DOCK8: variants seen among roughly 807,000 people sequenced by gnomAD.
DOCK8 encodes dedicator of cytokinesis 8, also known as dedicator of cytokinesis protein 8.
Under a neutral mutation model 245.6 loss-of-function variants are expected in DOCK8, and 141 were observed. That is an observed-to-expected ratio of 0.57 (90% CI 0.50 to 0.66). The LOEUF (loss-of-function observed/expected upper bound fraction) is 0.66. DOCK8 is among the 30% of genes least tolerant of loss of function. The pLI, the probability that DOCK8 is intolerant of heterozygous loss-of-function variation, is 0.00. For synonymous variants in DOCK8, 1,168 were observed against 970.2 expected (o/e 1.20, Z -3.79); for missense variants, 2,965 against 2,603.4 (o/e 1.14, Z -3.02).
chr9:232,803 C>T (rs2047148269), intron 1 of DOCK8, among the ~76,000 whole-genome samples: 1 of 152,098 alleles, frequency 6.6e-6, no homozygotes, highest in Admixed American at 6.6e-5. Flanking sequence ...CTTTGTTAGT[C>T]TTGCTAGCGG....
At chr9:450,201 G>A (rs779668144) in intron 45 of DOCK8, among the ~76,000 whole-genome samples, 1 of 152,112 alleles carries the variant, frequency 6.6e-6, no homozygotes, top group Non-Finnish European at 1.5e-5. Flanking sequence ...TCCACTTCGG[G>A]GCCAGACCTG....
Position 464,485 on chromosome 9 carries a change from G to A in DOCK8, c.*266G>A, listed in dbSNP as rs771679609. On this transcript the variant is annotated 3_prime_UTR_variant, in exon 48 of 48. Transcript: ENST00000432829. ...TTATTAAAGTGTGTTTTTCCACAAT[G>A]TACCAAACAAGGCATAAGCAGCTTC... is the stretch of plus-strand genomic sequence containing the variant. The A allele has an allele frequency of 2.3e-4, 127 of 547,646 alleles. No homozygotes were observed. Among genetic ancestry groups the A allele is most frequent in the Middle Eastern group, 1.5e-3 (3 of 2,024 alleles). 33.9% of individuals were successfully genotyped at this position (547,646 alleles called of 1,614,324 possible).
chr9:455,620 C>G (rs982004468), intron 46 of DOCK8, among the ~76,000 whole-genome samples: 7 of 152,112 alleles, frequency 4.6e-5, no homozygotes. Context: ...TACACTGGAC[C>G]AAACTTTGAG....
At chr9:310,752 A>G (rs1280893612) in intron 5 of DOCK8, among the ~76,000 whole-genome samples, 1 of 152,168 alleles carries the variant, frequency 6.6e-6, no homozygotes, top group Non-Finnish European at 1.5e-5. Context: ...TGAGCCCAAT[A>G]TTTTAAAAAT....
chr9:418,004 T>C, intron 29 of DOCK8, 64 bp from the exon 30 acceptor site: 2 of 1,609,098 alleles, frequency 1.2e-6, no homozygotes, highest in Non-Finnish European at 1.7e-6. Context: ...AGTCTCTTAT[T>C]GGGTAGGGGA....
chr9:421,222 G>T, intron 32 of DOCK8, 144 bp downstream of exon 32: 1 of 1,154,126 alleles, frequency 8.7e-7, no homozygotes, highest in Non-Finnish European at 1.3e-6. Context: ...CTGGGAGTCT[G>T]TGTGTGACAT....
Position 432,172 on chromosome 9 carries a change from G to A in DOCK8, c.4633G>A (p.Ala1545Thr), listed in dbSNP as rs746178181. The A allele has an allele frequency of 1.9e-6, 3 of 1,608,970 alleles. No individual in the cohort carries two copies. Among genetic ancestry groups the A allele is most frequent in the Non-Finnish European group, 2.5e-6 (3 of 1,178,412 alleles). ...RFSFGATSNF[A>T]RVKMQVTMSL... The stretch of plus-strand genomic sequence containing the variant: ...TTTTTTTTCACTGATGCAGAATTTT[G>A]CAAGAGTAAAGATGCAAGTAACCAT... The change falls in exon 37 of 48, where the codon GCA becomes ACA. Residue 1545 changes from alanine (A) to threonine (T), a missense_variant. Physicochemically the swap from Ala to Thr is moderately conservative, Grantham distance 58 (BLOSUM62 0). Around this residue, in one of 3 missense-constraint regions of DOCK8, gnomAD observed 2,825 missense variants for 2,453.5 expected, o/e 1.15. Transcript: ENST00000432829.
intron 29 of DOCK8, among the ~76,000 whole-genome samples, chr9:415,540 AG>A (rs144151078): frequency 0.014 from 2,102 of 152,344 alleles, 48 homozygotes; most frequent in African/African-American, 0.047. Context: ...GTGAAACCCC[AG>A]AATCTATTTA....
chr9:224,800 A>G (rs889801610), intron 1 of DOCK8, among the ~76,000 whole-genome samples: 1 of 152,204 alleles, frequency 6.6e-6, no homozygotes, highest in Non-Finnish European at 1.5e-5. Flanking sequence ...CTAGCATTGC[A>G]GTCCACTTTC....
At chr9:231,037 C>T (rs996566879) in intron 1 of DOCK8, among the ~76,000 whole-genome samples, 1 of 152,080 alleles carries the variant, frequency 6.6e-6, no homozygotes, top group South Asian at 2.1e-4. Context: ...GGTTTTAGGT[C>T]TAACATTTAA....
chr9:282,590 A>T (rs1354484532), intron 2 of DOCK8, among the ~76,000 whole-genome samples: 1 of 109,184 alleles, frequency 9.2e-6, no homozygotes, highest in Non-Finnish European at 2.3e-5. Flanking sequence ...ATCTAACTTT[A>T]AAAAAAAAAA....
At chr9:226,604 T>C (rs2046994739) in intron 1 of DOCK8, among the ~76,000 whole-genome samples, 1 of 151,692 alleles carries the variant, frequency 6.6e-6, no homozygotes. Flanking sequence ...GAATTAGATA[T>C]GGGGTGGGGC....
chr9:454,193 G>A (rs2057556872), intron 46 of DOCK8: 1 of 152,198 alleles, frequency 6.6e-6, no homozygotes, highest in Non-Finnish European at 1.5e-5. Context: ...GGGGAAGAGG[G>A]AGCCAGGACA....
chr9:334,304 C>CCTCCAGAGTAG lies in DOCK8; in HGVS notation c.1207_1208insCCAGAGTAGCT (p.Trp403SerfsTer8). 6.2e-7 allele frequency: 1 copy of CCTCCAGAGTAG among 1,614,154 alleles called. No individual in the cohort carries two copies. Among genetic ancestry groups the CCTCCAGAGTAG allele is most frequent in the Non-Finnish European group, 8.5e-7 (1 of 1,179,998 alleles). ...TTGGGGAAATACCGGATGCCCTTTG[C>CCTCCAGAGTAG]CTGGGCACCCATAAGCTTATCAAGC... On this transcript the variant is annotated frameshift_variant, in exon 11 of 48. Transcript: ENST00000432829. LOFTEE classifies it high-confidence loss of function.
chr9:258,782 G>A (rs1488678534), intron 1 of DOCK8, among the ~76,000 whole-genome samples: 1 of 151,878 alleles, frequency 6.6e-6, no homozygotes, highest in Non-Finnish European at 1.5e-5. Context: ...ATTTTTAGTA[G>A]AGATGGGGTT....
intron 4 of DOCK8, among the ~76,000 whole-genome samples, chr9:300,955 A>G (rs889415079): frequency 2.0e-5 from 3 of 152,198 alleles, no homozygotes; most frequent in Non-Finnish European, 2.9e-5. Flanking sequence ...ATTATTTCAA[A>G]AATTCAAGGA....
rs145852442 is a variant in DOCK8 at position 438,722 on chromosome 9, A to AC, written c.5080-522dup. Among the ~76,000 whole-genome samples, 296 of 152,320 alleles carry AC rather than the reference A, an allele frequency of 1.9e-3. 2 individuals carry two copies. The highest frequency in any genetic ancestry group is 6.9e-3 in the African/African-American group (286 of 41,580). On this transcript the variant is annotated intron_variant, in intron 39 of 47. Coordinates refer to ENST00000432829, the MANE Select transcript of DOCK8 (RefSeq NM_203447.4). ...AACAAAATGTTCAGGAAGAACAAAA[A>AC]CACACACACAGTAACTGCTGCAATG...
intron 25 of DOCK8, 106 bp downstream of exon 25, chr9:397,040 A>G (rs2054495497): frequency 5.4e-6 from 7 of 1,308,140 alleles, no homozygotes; most frequent in Non-Finnish European, 7.5e-6. Flanking sequence ...ATTAAAATAT[A>G]ACTGTAATGA....
At chr9:229,739 T>C (rs1172402656) in intron 1 of DOCK8, among the ~76,000 whole-genome samples, 1 of 152,048 alleles carries the variant, frequency 6.6e-6, no homozygotes, top group Non-Finnish European at 1.5e-5. Context: ...GAGACTAACA[T>C]ATCTGAAAGA....
Sources: allele counts gnomAD v4.1 joint callset (sites outside exome capture counted in the v4.1 genomes callset), GRCh38; gene constraint gnomAD v4.1.1; regional missense constraint gnomAD v4.1.1; transcripts MANE v1.5; gene names NCBI Gene and HGNC (gene_info 2026-07-23, HGNC 2026-07-21).